The following ZNF560 variants were observed in gnomAD, a reference collection of about 807,000 sequenced individuals.
ZNF560 encodes zinc finger protein 560.
A neutral mutation model predicts 81.8 loss-of-function variants in ZNF560; 54 were observed. The ratio of observed to expected loss-of-function variants is 0.66; its 90% CI spans 0.53 to 0.83. ZNF560 has a LOEUF of 0.83. ZNF560 is among the 40% of genes least tolerant of loss of function. ZNF560 has a pLI of 0.00. For synonymous variants in ZNF560, 321 were observed against 317.9 expected, an observed-to-expected ratio of 1.01 and a Z score of -0.10; for missense variants, 940 against 932.4, an observed-to-expected ratio of 1.01 and a Z score of -0.11.
the ZNF560 span, among the ~76,000 whole-genome samples, chr19:9,450,034 C>G: frequency 6.7e-6 from 1 of 148,412 alleles, no homozygotes; most frequent in African/African-American, 2.5e-5. Context: ...GGCTTGTGCC[C>G]GTAATCCCAG....
At chr19:9,449,401 T>C in the ZNF560 span, among the ~76,000 whole-genome samples, 7,295 of 152,126 alleles carry the variant, frequency 0.048, 599 homozygotes, top group African/African-American at 0.17. Context: ...TGAATGACTT[T>C]TGGGTAAACA....
chr19:9,483,196 G>A (rs993345527), intron 2 of ZNF560, among the ~76,000 whole-genome samples: 7 of 151,046 alleles, frequency 4.6e-5, no homozygotes, highest in African/African-American at 1.7e-4. Flanking sequence ...CTTCCCGGCC[G>A]CCATCCCGTC....
At chr19:9,447,066 G>A in the ZNF560 span, among the ~76,000 whole-genome samples, 73 of 150,964 alleles carry the variant, frequency 4.8e-4, no homozygotes, top group Admixed American at 1.2e-3. Flanking sequence ...CCTGGGAGGC[G>A]GAGGTTGCAG....
the ZNF560 span, among the ~76,000 whole-genome samples, chr19:9,448,873 C>T: frequency 2.0e-5 from 3 of 152,164 alleles, no homozygotes; most frequent in South Asian, 2.1e-4. Flanking sequence ...AAAAAGAGCA[C>T]GGATCATTAT....
At chr19:9,497,820 C>A (rs2073586924) in intron 2 of ZNF560, among the ~76,000 whole-genome samples, 1 of 152,186 alleles carries the variant, frequency 6.6e-6, no homozygotes, top group African/African-American at 2.4e-5. Flanking sequence ...TCCATCCTTT[C>A]TTCCAGGAAG....
rs1055174691 is a variant in ZNF560 at position 9,466,408 on chromosome 19, T to C, written c.*166A>G. ...ACATCCCTTACATTTACAGGGTTTC[T>C]CTACAGTGTGAGTTTGTACATATCT... On this transcript the variant is annotated 3_prime_UTR_variant, in exon 10 of 10. Coordinates refer to ENST00000301480, the MANE Select transcript of ZNF560 (RefSeq NM_152476.3). 1.7e-6 allele frequency: 1 copy of C among 603,354 alleles called. No homozygotes were observed. The allele number at this position is 603,354 out of a possible 1,614,324, so 37.4% of individuals were successfully genotyped here. A position where few individuals can be genotyped will look rare whatever the true frequency, so the allele number is the denominator to read the frequency against.
the ZNF560 span, among the ~76,000 whole-genome samples, chr19:9,460,000 A>G: frequency 6.6e-6 from 1 of 152,152 alleles, no homozygotes; most frequent in African/African-American, 2.4e-5. Flanking sequence ...AAAGTGGAAC[A>G]ACGGGTTTGG....
At chr19:9,475,244 C>A (rs561361697) in intron 3 of ZNF560, 40 bp downstream of exon 3, 1 of 1,608,808 alleles carries the variant, frequency 6.2e-7, no homozygotes, top group East Asian at 2.2e-5. Flanking sequence ...CCTGGTGATG[C>A]AAGTATGTCA....
chr19:9,474,159 C>T (rs2073163893), intron 4 of ZNF560, 40 bp downstream of exon 4: 2 of 1,612,380 alleles, frequency 1.2e-6, no homozygotes, highest in South Asian at 1.1e-5. Context: ...CAATGTATAT[C>T]TCTTCCCTAA....
chr19:9,488,803 C>T (rs1038390584), intron 2 of ZNF560, among the ~76,000 whole-genome samples: 3 of 152,082 alleles, frequency 2.0e-5, no homozygotes, highest in Non-Finnish European at 4.4e-5. Context: ...ACTGTAGTCC[C>T]CAGTGTTGGA....
At chr19:9,484,152 T>C (rs1328304892) in intron 2 of ZNF560, among the ~76,000 whole-genome samples, 2 of 152,184 alleles carry the variant, frequency 1.3e-5, no homozygotes, top group Non-Finnish European at 2.9e-5. Context: ...ACACAAACAC[T>C]GTGGAAGGCC....
In ZNF560 at chr19:9,474,232, T is replaced by A. The variant is rs761684309; in HGVS notation, c.124A>T (p.Met42Leu). The change falls in exon 4 of 10, where the codon ATG becomes TTG. Residue 42 changes from methionine (M) to leucine (L), a missense_variant. Physicochemically the swap from Met to Leu is conservative, Grantham distance 15 (BLOSUM62 2). Transcript: ENST00000301480. ...PVQRNLYRDV[M>L]LENYENVAKV... ...GCCACGTTCTCATAATTCTCCAGCA[T>A]CACATCTCTGTATAAGTTTCTCTGA... 2.5e-6 allele frequency: 4 copies of A among 1,614,174 alleles called. No homozygotes were observed. The highest frequency in any genetic ancestry group is 1.1e-5 in the South Asian group (1 of 91,092).
downstream of ZNF560, among the ~76,000 whole-genome samples, chr19:9,461,963 TTGGAGGC>T (rs2072938986): frequency 6.6e-6 from 1 of 152,214 alleles, no homozygotes; most frequent in South Asian, 2.1e-4. Context: ...ATAAAAACAC[TTGGAGGC>T]TCTGTGATTT....
chr19:9,457,148 C>T, the ZNF560 span, among the ~76,000 whole-genome samples: 2 of 152,212 alleles, frequency 1.3e-5, no homozygotes, highest in Admixed American at 6.5e-5. Flanking sequence ...CTCAAACTCT[C>T]TCCCCTTGGA....
the ZNF560 span, among the ~76,000 whole-genome samples, chr19:9,446,576 G>A: frequency 4.4e-4 from 67 of 152,218 alleles, no homozygotes; most frequent in Non-Finnish European, 8.7e-4. Context: ...CCTGTTGAGT[G>A]TTGGTAGGAT....
upstream of ZNF560, among the ~76,000 whole-genome samples, chr19:9,499,115 T>G (rs898267382): frequency 5.3e-5 from 8 of 152,360 alleles, no homozygotes; most frequent in African/African-American, 1.7e-4. Context: ...CTCTGCGTTT[T>G]CAGTTATCGA....
chr19:9,475,217 A>T, intron 3 of ZNF560, 67 bp downstream of exon 3: 1 of 1,537,206 alleles, frequency 6.5e-7, no homozygotes, highest in South Asian at 1.1e-5. Flanking sequence ...ACATCTGCCT[A>T]GAAGGAAATG....
At chr19:9,463,135 T>C (rs900407318), downstream of ZNF560, among the ~76,000 whole-genome samples, 1 of 152,146 alleles carries the variant, frequency 6.6e-6, no homozygotes, top group African/African-American at 2.4e-5. Flanking sequence ...TTACAGATAA[T>C]ATGAAATGTG....
chr19:9,484,503 A>T lies in ZNF560; in HGVS notation c.-56-9134T>A, dbSNP rs141702445. Among the ~76,000 whole-genome samples the T allele has an allele frequency of 5.1e-4, 77 of 152,058 alleles. No homozygotes were observed. The East Asian group carries it at 8.7e-3, about 17-fold the overall frequency. ...ATCTCATTAATAATTGTTTTCTGGC[A>T]GAGTATGGTGGCTCACACCTGTAAT... On this transcript the variant is annotated intron_variant, in intron 2 of 9. Transcript: ENST00000301480.
Sources: gnomAD v4.1 joint callset for allele counts (sites outside exome capture counted in the v4.1 genomes callset) on GRCh38, gnomAD v4.1.1 for gene constraint, MANE v1.5 for transcripts, NCBI Gene and HGNC (gene_info 2026-07-23, HGNC 2026-07-21) for gene names.